SSBP2: variants seen among roughly 807,000 people sequenced by gnomAD.
SSBP2 encodes the protein single stranded DNA binding protein 2.
SSBP2 carries 17 observed loss-of-function variants against 61.8 expected under a neutral mutation model. That is an observed-to-expected ratio of 0.28 (90% CI 0.19 to 0.41). SSBP2 has a LOEUF of 0.41. Among genes scored for constraint, SSBP2 ranks in the 10% least tolerant of loss-of-function variants. The probability of loss-of-function intolerance (pLI) is 1.00; values close to 1 mark genes in which losing one functional copy is unlikely to be tolerated. For missense variants in SSBP2, 310 were observed against 458.7 expected (o/e 0.68, Z 2.96); for synonymous variants, 139 against 141.3 (o/e 0.98, Z 0.12).
At chr5:81,673,087 G>A (rs1054570889) in intron 1 of SSBP2, among the ~76,000 whole-genome samples, 6 of 150,322 alleles carry the variant, frequency 4.0e-5, no homozygotes, top group Admixed American at 1.3e-4. Flanking sequence ...GTGATCTGCC[G>A]TCCTCGGCCT....
chr5:81,644,788 C>G (rs1418597308), intron 2 of SSBP2, among the ~76,000 whole-genome samples: 1 of 152,028 alleles, frequency 6.6e-6, no homozygotes, highest in Admixed American at 6.6e-5. Context: ...GTACAAGAAC[C>G]CTAAGCACCC....
At position 81,413,394 on chromosome 5, in the gene SSBP2, A is replaced by C. The variant is rs766874881; in HGVS notation, c.*7110T>G. 1.3e-5 allele frequency: 2 copies of C among 152,230 alleles called. No homozygotes were observed. The highest frequency in any genetic ancestry group is 2.9e-5 in the Non-Finnish European group (2 of 68,024). 9.4% of individuals were successfully genotyped at this position (152,230 alleles called of 1,614,324 possible). A position where few individuals can be genotyped will look rare whatever the true frequency, so the allele number is the denominator to read the frequency against. On this transcript the variant is annotated 3_prime_UTR_variant, in exon 17 of 17. Coordinates refer to ENST00000320672, the MANE Select transcript of SSBP2 (RefSeq NM_012446.5). ...GAATTAAGAATAGTAGATTACTAAG[A>C]GTCATCCCAGATTCCAATTATATTT...
intron 1 of SSBP2, among the ~76,000 whole-genome samples, chr5:81,714,811 T>C (rs1048844401): frequency 6.6e-6 from 1 of 152,162 alleles, no homozygotes; most frequent in Non-Finnish European, 1.5e-5. Context: ...GTCAGATGGA[T>C]AGATTGCAAA....
At chr5:81,519,934 A>G (rs1388275481) in intron 4 of SSBP2, among the ~76,000 whole-genome samples, 3 of 150,890 alleles carry the variant, frequency 2.0e-5, no homozygotes, top group African/African-American at 4.9e-5. Flanking sequence ...CAGCCTTTTA[A>G]AGGTTTTATT....
chr5:81,575,413 G>T (rs1472720400), intron 4 of SSBP2, among the ~76,000 whole-genome samples: 1 of 152,176 alleles, frequency 6.6e-6, no homozygotes, highest in East Asian at 1.9e-4. Context: ...ATGCATTAAA[G>T]TAGAAGGTTC....
At chr5:81,448,643 G>A in intron 11 of SSBP2, 147 bp downstream of exon 11, 1 of 736,176 alleles carries the variant, frequency 1.4e-6, no homozygotes, top group East Asian at 2.8e-5. Context: ...ATCAACATAT[G>A]TACTGAGGTT....
chr5:81,572,318 T>C (rs1385011113), intron 4 of SSBP2, among the ~76,000 whole-genome samples: 1 of 152,206 alleles, frequency 6.6e-6, no homozygotes, highest in East Asian at 1.9e-4. Context: ...AATGACAGTA[T>C]TCCTCTGTGA....
At chr5:81,589,389 T>C (rs556459543) in intron 4 of SSBP2, among the ~76,000 whole-genome samples, 1 of 152,330 alleles carries the variant, frequency 6.6e-6, no homozygotes, top group African/African-American at 2.4e-5. Context: ...AAAATTTCTT[T>C]AAATAAATCA....
At chr5:81,563,188 A>T in intron 4 of SSBP2, among the ~76,000 whole-genome samples, 1 of 152,208 alleles carries the variant, frequency 6.6e-6, no homozygotes. Flanking sequence ...TCAATGGTAC[A>T]GAATAGAGAA....
At chr5:81,605,229 T>C (rs745316745) in intron 4 of SSBP2, among the ~76,000 whole-genome samples, 3 of 152,136 alleles carry the variant, frequency 2.0e-5, no homozygotes, top group Non-Finnish European at 4.4e-5. Flanking sequence ...ATAAGTACAG[T>C]GTCTATCTTC....
intron 4 of SSBP2, among the ~76,000 whole-genome samples, chr5:81,540,402 C>A (rs61292181): frequency 6.6e-6 from 1 of 152,192 alleles, no homozygotes; most frequent in African/African-American, 2.4e-5. Flanking sequence ...TCTCCAGCAT[C>A]TGTTGTTTCC....
At chr5:81,650,848 T>G (rs1189100463) in intron 1 of SSBP2, among the ~76,000 whole-genome samples, 2 of 152,144 alleles carry the variant, frequency 1.3e-5, no homozygotes, top group African/African-American at 4.8e-5. Flanking sequence ...ATTCTTTAGA[T>G]TTGATTGTTA....
upstream of SSBP2, chr5:81,751,366 G>A (rs1357362202): frequency 8.4e-6 from 4 of 474,638 alleles, no homozygotes; most frequent in African/African-American, 4.1e-5. Flanking sequence ...CTCCGAACCC[G>A]GGCGCAAGGG....
intron 4 of SSBP2, among the ~76,000 whole-genome samples, chr5:81,520,375 T>G (rs1294336926): frequency 6.6e-6 from 1 of 152,192 alleles, no homozygotes; most frequent in Non-Finnish European, 1.5e-5. Flanking sequence ...TTGACATTGG[T>G]GTTCACAATT....
intron 4 of SSBP2, among the ~76,000 whole-genome samples, chr5:81,577,533 A>C (rs1774304314): frequency 6.6e-6 from 1 of 152,078 alleles, no homozygotes; most frequent in South Asian, 2.1e-4. Flanking sequence ...GATGATTACA[A>C]GGAAATGGTG....
intron 10 of SSBP2, among the ~76,000 whole-genome samples, chr5:81,459,185 C>A (rs1442536594): frequency 6.6e-6 from 1 of 152,140 alleles, no homozygotes; most frequent in East Asian, 1.9e-4. Flanking sequence ...ATAGCGTATT[C>A]TCCTACCCAC....
chr5:81,601,226 C>T (rs1744331884), intron 4 of SSBP2, among the ~76,000 whole-genome samples: 1 of 152,144 alleles, frequency 6.6e-6, no homozygotes, highest in East Asian at 1.9e-4. Context: ...ATATAACATA[C>T]ATTCCATTTT....
At chr5:81,449,133 A>G (rs927474615) in intron 10 of SSBP2, among the ~76,000 whole-genome samples, 1 of 152,186 alleles carries the variant, frequency 6.6e-6, no homozygotes, top group African/African-American at 2.4e-5. Flanking sequence ...AGAAATATAT[A>G]TATTTGTGTA....
intron 10 of SSBP2, among the ~76,000 whole-genome samples, chr5:81,456,597 GA>G (rs201889812): frequency 2.9e-5 from 4 of 138,382 alleles, no homozygotes; most frequent in Non-Finnish European, 4.8e-5. Flanking sequence ...TCGTGAAAAA[GA>G]AAAAAAAAAG....
Sources: gnomAD v4.1 joint callset for allele counts (sites outside exome capture counted in the v4.1 genomes callset) on GRCh38, gnomAD v4.1.1 for gene constraint, MANE v1.5 for transcripts, NCBI Gene and HGNC (gene_info 2026-07-23, HGNC 2026-07-21) for gene names.